EPHX2: variants seen among roughly 807,000 people sequenced by gnomAD.
The protein encoded by EPHX2 is epoxide hydrolase 2, also known as bifunctional epoxide hydrolase 2.
Under a neutral mutation model 78.7 loss-of-function variants are expected in EPHX2, and 74 were observed. The observed-to-expected ratio is 0.94, with a 90% CI of 0.78 to 1.14. The LOEUF (loss-of-function observed/expected upper bound fraction) is 1.14, where lower values mean the gene tolerates loss of function less well. Among genes scored for constraint, EPHX2 ranks in the 50% most tolerant of loss-of-function variants. EPHX2 has a pLI of 0.00. For synonymous variants in EPHX2, 251 were observed against 255.2 expected, an observed-to-expected ratio of 0.98 and a Z score of 0.16; for missense variants, 715 against 702.5, an observed-to-expected ratio of 1.02 and a Z score of -0.20.
intron 16 of EPHX2, among the ~76,000 whole-genome samples, 188 bp downstream of exon 16, chr8:27,541,730 C>G (rs1272662807): frequency 6.6e-6 from 1 of 152,140 alleles, no homozygotes; most frequent in Non-Finnish European, 1.5e-5. Flanking sequence ...CTTGCTGGTG[C>G]TTCTCTTGGG....
chr8:27,516,829 G>A (rs1191889879), intron 8 of EPHX2, among the ~76,000 whole-genome samples: 1 of 151,918 alleles, frequency 6.6e-6, no homozygotes, highest in Non-Finnish European at 1.5e-5. Context: ...GAATCATACA[G>A]TATTTGTGCT....
At chr8:27,510,467 C>T (rs1357183004) in intron 5 of EPHX2, among the ~76,000 whole-genome samples, 1 of 152,174 alleles carries the variant, frequency 6.6e-6, no homozygotes, top group Non-Finnish European at 1.5e-5. Context: ...CTCCTGAGAA[C>T]AGGCCTGGCA....
rs72475853 is a variant in EPHX2, at chr8:27,518,189, A to T, written c.945+117A>T. ...CATCATTTCACAGCCTCTGGGTATA[A>T]ATTCCTACTGAAAGTTGAACAGTAT... On this transcript the variant is annotated intron_variant, in intron 9 of 18. Transcript: ENST00000521400. The T allele has an allele frequency of 4.4e-3, 3,517 of 797,034 alleles. 89 individuals are homozygous for T. In the African/African-American group the frequency reaches 0.055, roughly 12 times the overall value. The allele number at this position is 797,034 out of a possible 1,614,324, so 49.4% of individuals were successfully genotyped here.
chr8:27,516,588 C>G (rs1038216308), intron 8 of EPHX2, among the ~76,000 whole-genome samples, 190 bp downstream of exon 8: 3 of 152,196 alleles, frequency 2.0e-5, no homozygotes, highest in Admixed American at 1.3e-4. Context: ...CCCTGCCCCC[C>G]ACACTCTGAA....
At chr8:27,511,675 G>A (rs1814253354) in intron 5 of EPHX2, among the ~76,000 whole-genome samples, 161 bp from the exon 6 acceptor site, 1 of 152,234 alleles carries the variant, frequency 6.6e-6, no homozygotes, top group Non-Finnish European at 1.5e-5. Flanking sequence ...GAGTCTGGCT[G>A]TGCTGGCAGG....
intron 13 of EPHX2, among the ~76,000 whole-genome samples, chr8:27,537,593 CT>C (rs1815253811): frequency 6.6e-6 from 1 of 152,066 alleles, no homozygotes; most frequent in Non-Finnish European, 1.5e-5. Context: ...TTTAACCTGT[CT>C]TTGAAGTTTT....
intron 12 of EPHX2, among the ~76,000 whole-genome samples, chr8:27,534,364 C>T (rs900515485): frequency 1.3e-5 from 2 of 152,082 alleles, no homozygotes; most frequent in East Asian, 1.9e-4. Flanking sequence ...AAAAGAGTAA[C>T]GTCTCACTGG....
chr8:27,543,270 CAG>C (rs1815467410), intron 16 of EPHX2, among the ~76,000 whole-genome samples: 2 of 152,104 alleles, frequency 1.3e-5, no homozygotes. Flanking sequence ...GGAAAAAACA[CAG>C]AGGCTTTCCT....
intron 9 of EPHX2, among the ~76,000 whole-genome samples, chr8:27,519,754 G>C (rs1814580333): frequency 6.6e-6 from 1 of 152,342 alleles, no homozygotes; most frequent in South Asian, 2.1e-4. Context: ...GGAAGTCTAA[G>C]ATCAAGGTCT....
chr8:27,530,920 C>T (rs1444130887), intron 12 of EPHX2, among the ~76,000 whole-genome samples: 1 of 152,038 alleles, frequency 6.6e-6, no homozygotes, highest in Admixed American at 6.6e-5. Context: ...TGCACCACCA[C>T]GCACGGCTAA....
intron 1 of EPHX2, among the ~76,000 whole-genome samples, chr8:27,497,626 C>T (rs575910098): frequency 2.0e-5 from 3 of 152,248 alleles, no homozygotes; most frequent in East Asian, 1.9e-4. Context: ...CTGATATCTG[C>T]GGCTGATTGG....
intron 1 of EPHX2, among the ~76,000 whole-genome samples, chr8:27,494,234 A>G (rs1479610176): frequency 2.6e-5 from 4 of 152,156 alleles, no homozygotes; most frequent in African/African-American, 9.7e-5. Context: ...AGGCCTGATA[A>G]CAGGTTGTGT....
rs548553425 is a variant in EPHX2, at chr8:27,511,722, A to C, written c.661-114A>C. 7 of 1,073,008 alleles carry C rather than the reference A, an allele frequency of 6.5e-6. No homozygotes were observed. The African/African-American group carries it at 1.1e-4, about 16-fold the overall frequency. 66.5% of individuals were successfully genotyped at this position (1,073,008 alleles called of 1,614,324 possible). ...GGCTGGTCAGCCACCAGGAGGGCTC[A>C]GGATGGAGTGGAAAAGGTGATTTCC... is the stretch of plus-strand genomic sequence containing the variant. On this transcript the variant is annotated intron_variant, in intron 5 of 18. Coordinates refer to ENST00000521400, the MANE Select transcript of EPHX2 (RefSeq NM_001979.6).
chr8:27,515,881 C>A, intron 7 of EPHX2, 68 bp downstream of exon 7: 1 of 1,330,258 alleles, frequency 7.5e-7, no homozygotes, highest in East Asian at 2.3e-5. Flanking sequence ...TGTGGTCCGA[C>A]GTGGACTGTC....
chr8:27,535,416 C>A (rs977305244), intron 12 of EPHX2, among the ~76,000 whole-genome samples: 1 of 152,112 alleles, frequency 6.6e-6, no homozygotes, highest in Non-Finnish European at 1.5e-5. Flanking sequence ...CTCAGGTGAT[C>A]TGCCTGCCTC....
intron 16 of EPHX2, among the ~76,000 whole-genome samples, chr8:27,542,907 GC>G (rs1815451329): frequency 6.6e-6 from 1 of 152,022 alleles, no homozygotes; most frequent in African/African-American, 2.4e-5. Context: ...CTCCCAAAGT[GC>G]TGGGATGACA....
Position 27,543,892 on chromosome 8 carries a change from A to G in EPHX2, c.1530+63A>G. 5 of 1,549,816 alleles carry G rather than the reference A, an allele frequency of 3.2e-6. No individual in the cohort carries two copies. In the South Asian group the frequency reaches 3.4e-5, roughly 11 times the overall value. The stretch of plus-strand genomic sequence containing the variant: ...CCCGGGAGAGGGCACGGGTGCTCAG[A>G]GGGAAGACGGCAGCAGAAGATACAC... On this transcript the variant is annotated intron_variant, in intron 17 of 18. Transcript: ENST00000521400.
intron 6 of EPHX2, 143 bp downstream of exon 6, chr8:27,512,053 A>C (rs1814270976): frequency 2.7e-6 from 2 of 728,424 alleles, no homozygotes; most frequent in Non-Finnish European, 4.7e-6. Flanking sequence ...AGCTGTGATC[A>C]CACCACTGTG....
chr8:27,538,709 G>A lies in EPHX2; in HGVS notation c.1276+17G>A. The A allele has an allele frequency of 6.2e-7, 1 of 1,612,872 alleles. No homozygotes were observed. The highest frequency in any genetic ancestry group is 8.5e-7 in the Non-Finnish European group (1 of 1,178,884). On this transcript the variant is annotated intron_variant, in intron 14 of 18. Transcript: ENST00000521400. ...GTGAAGCGGGTAAGAGACATGCTTG[G>A]GAGAGCCATATCTGGAACCAGCTGA... is the stretch of plus-strand genomic sequence containing the variant.
Sources: gnomAD v4.1 joint callset for allele counts (sites outside exome capture counted in the v4.1 genomes callset) on GRCh38, gnomAD v4.1.1 for gene constraint, MANE v1.5 for transcripts, NCBI Gene and HGNC (gene_info 2026-07-23, HGNC 2026-07-21) for gene names.